KIAA1217: variants seen among roughly 807,000 people sequenced by gnomAD.
KIAA1217 encodes the protein sickle tail protein homolog.
A neutral mutation model predicts 163.9 loss-of-function variants in KIAA1217; 88 were observed. The observed-to-expected ratio is 0.54, with a 90% CI of 0.45 to 0.64. The LOEUF (loss-of-function observed/expected upper bound fraction) is 0.64, where lower values mean the gene tolerates loss of function less well. Among genes scored for constraint, KIAA1217 ranks in the 30% least tolerant of loss-of-function variants. KIAA1217 has a pLI of 0.00. For synonymous variants in KIAA1217, 903 were observed against 923.1 expected, an observed-to-expected ratio of 0.98 and a Z score of 0.39; for missense variants, 2,372 against 2,475.0, an observed-to-expected ratio of 0.96 and a Z score of 0.88.
chr10:24,166,121 C>A (rs542185718), intron 2 of KIAA1217, among the ~76,000 whole-genome samples: 1 of 151,952 alleles, frequency 6.6e-6, no homozygotes, highest in African/African-American at 2.4e-5. Flanking sequence ...TTGGACAAAT[C>A]GTTTTTAAAA....
intron 3 of KIAA1217, among the ~76,000 whole-genome samples, chr10:24,388,208 T>A (rs1275814751): frequency 6.6e-6 from 1 of 152,042 alleles, no homozygotes; most frequent in African/African-American, 2.4e-5. Flanking sequence ...AAAACAGAGA[T>A]ACAGACCAAT....
At chr10:24,344,097 C>G (rs1234353619) in intron 2 of KIAA1217, among the ~76,000 whole-genome samples, 5 of 152,072 alleles carry the variant, frequency 3.3e-5, no homozygotes, top group African/African-American at 4.8e-5. Flanking sequence ...CTATTAACAC[C>G]AGAATTAGTG....
At chr10:23,834,768 C>T (rs1838369671) in intron 1 of KIAA1217, among the ~76,000 whole-genome samples, 1 of 151,984 alleles carries the variant, frequency 6.6e-6, no homozygotes, top group Non-Finnish European at 1.5e-5. Flanking sequence ...AAGGACAACT[C>T]CAATAATTGT....
Position 23,781,041 on chromosome 10 carries a change from C to T in KIAA1217, c.-321+85807C>T, listed in dbSNP as rs182505083. Among the ~76,000 whole-genome samples, 746 of 152,116 alleles carry T rather than the reference C, an allele frequency of 4.9e-3. 5 individuals carry two copies. The highest frequency in any genetic ancestry group is 0.016 in the African/African-American group (673 of 41,494). ...ACTTAGGTTGTTTCCATATCTTGGC[C>T]GTTGTTGAGTAATGTTGCAATGAAC... On this transcript the variant is annotated intron_variant, in intron 1 of 18. Coordinates refer to the KIAA1217 transcript ENST00000376462.
At chr10:23,741,826 T>C (rs2130811912) in intron 1 of KIAA1217, among the ~76,000 whole-genome samples, 1 of 152,262 alleles carries the variant, frequency 6.6e-6, no homozygotes, top group Middle Eastern at 3.4e-3. Context: ...TAGAGCTCTG[T>C]TGTGGATAGG....
chr10:24,011,781 G>T (rs148278983), intron 2 of KIAA1217, among the ~76,000 whole-genome samples: 3 of 152,256 alleles, frequency 2.0e-5, no homozygotes, highest in Admixed American at 6.5e-5. Flanking sequence ...GGTTGTTCCC[G>T]TGGGTTGACA....
At chr10:23,698,431 A>G (rs1836191178) in intron 1 of KIAA1217, among the ~76,000 whole-genome samples, 1 of 152,072 alleles carries the variant, frequency 6.6e-6, no homozygotes, top group Non-Finnish European at 1.5e-5. Flanking sequence ...TCTGTGGTAG[A>G]TCTTTGATTT....
chr10:24,491,093 G>A (rs1018164648), intron 6 of KIAA1217, among the ~76,000 whole-genome samples: 18 of 152,090 alleles, frequency 1.2e-4, no homozygotes, highest in African/African-American at 4.3e-4. Flanking sequence ...TGGGAGCTCA[G>A]GGTAGAAGCT....
At chr10:24,518,064 T>A (rs183968367) in intron 10 of KIAA1217, among the ~76,000 whole-genome samples, 60 of 152,318 alleles carry the variant, frequency 3.9e-4, no homozygotes, top group African/African-American at 1.3e-3. Context: ...TAATTGGTCT[T>A]CTAATAACAG....
chr10:24,052,453 T>C (rs773166737), intron 2 of KIAA1217, among the ~76,000 whole-genome samples: 5 of 152,164 alleles, frequency 3.3e-5, no homozygotes, highest in Non-Finnish European at 5.9e-5. Flanking sequence ...TTTAGATCAA[T>C]GTCCCAGGGA....
Position 23,989,611 on chromosome 10 carries a change from C to T in KIAA1217, c.-320-17614C>T, listed in dbSNP as rs192468698. Among the ~76,000 whole-genome samples, 13 of 152,176 alleles carry T rather than the reference C, an allele frequency of 8.5e-5. No individual in the cohort carries two copies. The East Asian group carries it at 2.1e-3, about 25-fold the overall frequency. On this transcript the variant is annotated intron_variant, in intron 1 of 18. Coordinates refer to the KIAA1217 transcript ENST00000376462. ...GCTTCTGTGGTTTTCTTAAGTCCTTCGGATTAAAATACTCGATATTCCAAG... is the reference window on the plus strand; with the variant it reads ...GCTTCTGTGGTTTTCTTAAGTCCTTTGGATTAAAATACTCGATATTCCAAG...
At chr10:24,432,911 G>T in intron 3 of KIAA1217, 84 bp from the exon 4 acceptor site, 1 of 1,050,824 alleles carries the variant, frequency 9.5e-7, no homozygotes, top group Non-Finnish European at 1.4e-6. Flanking sequence ...GTTCCTAAGT[G>T]CAGCAGGAAA....
chr10:23,851,098 G>A (rs979833936), intron 1 of KIAA1217, among the ~76,000 whole-genome samples: 21 of 152,032 alleles, frequency 1.4e-4, no homozygotes, highest in African/African-American at 5.1e-4. Context: ...GTGCCATGCT[G>A]GTGTGCTGCG....
intron 6 of KIAA1217, among the ~76,000 whole-genome samples, chr10:24,486,206 G>A (rs2065373312): frequency 6.6e-6 from 1 of 152,208 alleles, no homozygotes. Context: ...CCTGTTCTCA[G>A]TGGAGGGGGC....
chr10:24,312,382 A>G (rs185842804), intron 2 of KIAA1217, among the ~76,000 whole-genome samples: 186 of 152,024 alleles, frequency 1.2e-3, no homozygotes, highest in Non-Finnish European at 2.3e-3. Context: ...TTGGGAGGCC[A>G]AGGCGGCCGA....
intron 1 of KIAA1217, among the ~76,000 whole-genome samples, chr10:23,838,762 CT>C (rs1838618630): frequency 6.6e-6 from 1 of 152,136 alleles, no homozygotes; most frequent in African/African-American, 2.4e-5. Flanking sequence ...CACCCAGCCG[CT>C]TAAGATTCTT....
At chr10:24,048,350 TTAAA>T (rs1849199854) in intron 2 of KIAA1217, among the ~76,000 whole-genome samples, 4 of 152,254 alleles carry the variant, frequency 2.6e-5, no homozygotes, top group Non-Finnish European at 5.9e-5. Context: ...TTTTCTCCAA[TTAAA>T]TATAGTATGA....
chr10:24,194,272 C>T (rs2066871222), intron 2 of KIAA1217, among the ~76,000 whole-genome samples: 1 of 148,872 alleles, frequency 6.7e-6, no homozygotes, highest in South Asian at 2.2e-4. Flanking sequence ...TCTTGGCCTT[C>T]ATTTCCCTCC....
At chr10:24,006,996 C>T (rs1436358868) in intron 1 of KIAA1217, among the ~76,000 whole-genome samples, 1 of 152,160 alleles carries the variant, frequency 6.6e-6, no homozygotes, top group Non-Finnish European at 1.5e-5. Flanking sequence ...TAGCGTCCAA[C>T]TAATGTTTTG....
Sources: allele counts gnomAD v4.1 joint callset (sites outside exome capture counted in the v4.1 genomes callset), GRCh38; gene constraint gnomAD v4.1.1; transcripts MANE v1.5; gene names NCBI Gene and HGNC (gene_info 2026-07-23, HGNC 2026-07-21).